Variants in USP7 observed in about 807,000 individuals in gnomAD.
The protein encoded by USP7 is ubiquitin C-terminal hydrolase 7.
In USP7, 9 loss-of-function variants were observed where a neutral mutation model predicts 162.9. The observed-to-expected ratio is 0.06, with a 90% CI of 0.03 to 0.10. USP7 has a LOEUF of 0.10. Ranked by LOEUF, USP7 falls within the 10% of genes least tolerant of loss-of-function variation. USP7 has a pLI of 1.00. For synonymous variants in USP7, 562 were observed against 475.9 expected, an observed-to-expected ratio of 1.18 and a Z score of -2.35; for missense variants, 715 against 1,373.7, an observed-to-expected ratio of 0.52 and a Z score of 7.58.
chr16:8,950,284 GAC>G (rs1899490443), intron 1 of USP7, among the ~76,000 whole-genome samples: 1 of 151,926 alleles, frequency 6.6e-6, no homozygotes, highest in Non-Finnish European at 1.5e-5. Context: ...CAGAGTAGAA[GAC>G]ACAACAGACA....
At chr16:8,946,726 G>A (rs1013562528) in intron 1 of USP7, among the ~76,000 whole-genome samples, 1 of 152,188 alleles carries the variant, frequency 6.6e-6, no homozygotes, top group East Asian at 1.9e-4. Flanking sequence ...TGCAAAGGCG[G>A]CCTCCACACA....
Position 8,919,061 on chromosome 16 carries a change from C to T in USP7, c.690G>A (p.Gln230=). The T allele has an allele frequency of 6.2e-7, 1 of 1,613,956 alleles. No homozygotes were observed. The highest frequency in any genetic ancestry group is 1.7e-4 in the Middle Eastern group (1 of 5,860). ...GATCYMNSLL[Q]TLFFTNQLRK... is the part of the protein sequence containing the mutation. ...GTAGCTGATTCGTGAAAAATAACGT[C>T]TGTAGCAGGCTGTTCATGTAACAAG... The change falls in exon 6 of 31, where the codon CAG becomes CAA. Residue 230 remains glutamine, a synonymous_variant. Coordinates refer to ENST00000344836, the MANE Select transcript of USP7 (RefSeq NM_003470.3).
chr16:8,915,190 T>C (rs1454721105), intron 10 of USP7, 64 bp downstream of exon 10: 2 of 1,425,936 alleles, frequency 1.4e-6, no homozygotes, highest in Non-Finnish European at 1.9e-6. Flanking sequence ...CTTGTGTAAA[T>C]GAAACATTAA....
intron 6 of USP7, 112 bp from the exon 7 acceptor site, chr16:8,917,268 G>A (rs887651396): frequency 1.5e-6 from 2 of 1,305,944 alleles, no homozygotes; most frequent in African/African-American, 3.0e-5. Flanking sequence ...TAACACAATG[G>A]CTAAGGTTGT....
rs776421304 is a variant in USP7, at chr16:8,895,632, G to A, written c.2919+10C>T. On this transcript the variant is annotated intron_variant, in intron 27 of 30. Transcript: ENST00000344836. ...TTCTCTCTGGTGCCAACAGTATCGG[G>A]GACAGATACCTCTATTCGAAACGTC... 1.2e-6 allele frequency: 2 copies of A among 1,606,528 alleles called. No individual in the cohort carries two copies. The highest frequency in any genetic ancestry group is 1.7e-5 in the Admixed American group (1 of 59,320).
intron 21 of USP7, 63 bp downstream of exon 21, chr16:8,900,467 T>C: frequency 7.7e-7 from 1 of 1,302,792 alleles, no homozygotes; most frequent in Non-Finnish European, 1.1e-6. Context: ...GTTTCTTGGT[T>C]CTACAACTTA....
intron 1 of USP7, among the ~76,000 whole-genome samples, chr16:8,957,504 G>C (rs1171235683): frequency 1.3e-5 from 2 of 151,654 alleles, no homozygotes; most frequent in South Asian, 2.1e-4. Flanking sequence ...AGTGCTTTGA[G>C]AGGTTCAGGC....
intron 10 of USP7, among the ~76,000 whole-genome samples, chr16:8,911,129 T>C (rs1484763842): frequency 6.6e-6 from 1 of 152,186 alleles, no homozygotes; most frequent in African/African-American, 2.4e-5. Flanking sequence ...TGAAGACAGC[T>C]TGGAATTGGG....
chr16:8,901,908 T>C, intron 18 of USP7, 174 bp downstream of exon 18: 1 of 625,460 alleles, frequency 1.6e-6, no homozygotes, highest in Non-Finnish European at 2.8e-6. Flanking sequence ...CACAGGAAAC[T>C]CGCAGCCAAG....
intron 1 of USP7, among the ~76,000 whole-genome samples, chr16:8,942,191 A>G (rs142171017): frequency 8.0e-4 from 122 of 152,312 alleles, no homozygotes; most frequent in African/African-American, 2.9e-3. Flanking sequence ...TTCACTCTAA[A>G]ATGTTCCCTC....
At chr16:8,908,497 C>A in intron 11 of USP7, 47 bp from the exon 12 acceptor site, 2 of 1,518,572 alleles carry the variant, frequency 1.3e-6, no homozygotes, top group Non-Finnish European at 1.8e-6. Flanking sequence ...TCTACTTACT[C>A]CTGGAAGCAA....
intron 1 of USP7, among the ~76,000 whole-genome samples, chr16:8,932,655 T>C (rs926064197): frequency 4.6e-5 from 7 of 152,184 alleles, no homozygotes; most frequent in African/African-American, 7.2e-5. Flanking sequence ...CTCTGAAATG[T>C]CTTTCATCCA....
At chr16:8,899,475 G>T in intron 22 of USP7, 129 bp downstream of exon 22, 1 of 1,187,926 alleles carries the variant, frequency 8.4e-7, no homozygotes, top group Non-Finnish European at 1.2e-6. Context: ...ATCCATCAGT[G>T]GGAGATTTCC....
At position 8,903,308 on chromosome 16, in the gene USP7, G is replaced by C; in HGVS notation, c.1799C>G (p.Ser600Cys). The stretch of plus-strand genomic sequence containing the variant: ...GCTCTGAACAAACTCAGCAAGCGAG[G>C]AGTTCTTCAATACTTTGAACACAGT... ...KYTVFKVLKN[S>C]SLAEFVQSLS... is the part of the protein sequence containing the mutation. Residue 600 changes from serine to cysteine, a missense_variant, in exon 16 of 31, where the codon TCC becomes TGC. Coordinates refer to ENST00000344836, the MANE Select transcript of USP7 (RefSeq NM_003470.3). The C allele has an allele frequency of 6.2e-7, 1 of 1,614,016 alleles. No homozygotes were observed. Among genetic ancestry groups the C allele is most frequent in the Non-Finnish European group, 8.5e-7 (1 of 1,179,940 alleles).
rs570794506 is a variant in USP7 at position 8,896,889 on chromosome 16, A to G, written c.2819+110T>C. On this transcript the variant is annotated intron_variant, in intron 26 of 30. Coordinates refer to ENST00000344836, the MANE Select transcript of USP7 (RefSeq NM_003470.3). ...GAGGCACACCCCACTGAGTCTGGGA[A>G]TGACGCGCATGGATCCCAGCTGGGT... is the stretch of plus-strand genomic sequence containing the variant. The G allele has an allele frequency of 1.4e-4, 116 of 819,122 alleles. No individual in the cohort carries two copies. In the African/African-American group the frequency reaches 1.8e-3, roughly 12 times the overall value. The allele number at this position is 819,122 out of a possible 1,614,324, so 50.7% of individuals were successfully genotyped here. A position where few individuals can be genotyped will look rare whatever the true frequency, so the allele number is the denominator to read the frequency against.
At chr16:8,941,301 C>A (rs1899036321) in intron 1 of USP7, among the ~76,000 whole-genome samples, 1 of 152,230 alleles carries the variant, frequency 6.6e-6, no homozygotes, top group South Asian at 2.1e-4. Context: ...CCTTTCTAAG[C>A]TGCTACCATT....
chr16:8,942,652 A>G (rs1392537130), intron 1 of USP7, among the ~76,000 whole-genome samples: 2 of 152,208 alleles, frequency 1.3e-5, no homozygotes, highest in South Asian at 4.1e-4. Flanking sequence ...GGCTCAAGCA[A>G]TCCTCCCACC....
intron 6 of USP7, 139 bp from the exon 7 acceptor site, chr16:8,917,295 G>T (rs1037701755): frequency 2.9e-6 from 3 of 1,020,206 alleles, no homozygotes; most frequent in Admixed American, 6.8e-5. Flanking sequence ...GGCTTTTAAC[G>T]ATCCCCAAAT....
At chr16:8,952,771 G>C (rs1461511885) in intron 1 of USP7, among the ~76,000 whole-genome samples, 1 of 152,006 alleles carries the variant, frequency 6.6e-6, no homozygotes, top group African/African-American at 2.4e-5. Flanking sequence ...TAAACCTCTA[G>C]TCACAGAGTC....
Sources: allele counts gnomAD v4.1 joint callset (sites outside exome capture counted in the v4.1 genomes callset), GRCh38; gene constraint gnomAD v4.1.1; transcripts MANE v1.5; gene names NCBI Gene and HGNC (gene_info 2026-07-23, HGNC 2026-07-21).